The following ZNF106 variants were observed in gnomAD, a reference collection of about 807,000 sequenced individuals.
ZNF106 encodes the protein SH3-domain binding protein 3.
Under a neutral mutation model 195.1 loss-of-function variants are expected in ZNF106, and 67 were observed. The ratio of observed to expected loss-of-function variants is 0.34; its 90% CI spans 0.28 to 0.42. ZNF106 has a LOEUF of 0.42. Among genes scored for constraint, ZNF106 ranks in the 10% least tolerant of loss-of-function variants. The pLI is 1.00. For missense variants in ZNF106, 2,118 were observed against 2,304.5 expected (o/e 0.92, Z 1.66); for synonymous variants, 784 against 818.6 (o/e 0.96, Z 0.72).
chr15:42,428,139 T>C lies in ZNF106; in HGVS notation c.4882-5A>G, dbSNP rs1395863695. 1 of 1,613,066 alleles carries C rather than the reference T, an allele frequency of 6.2e-7. No homozygotes were observed. Among genetic ancestry groups the C allele is most frequent in the Admixed American group, 1.7e-5 (1 of 60,014 alleles). On this transcript the variant is annotated splice_region_variant and splice_polypyrimidine_tract_variant and intron_variant, in intron 14 of 21. Coordinates refer to ENST00000564754, the MANE Select transcript of ZNF106 (RefSeq NM_001366845.3). Reference sequence around the variant, plus strand: ...CTGCTCCACACACTCTCGGCTCTGATAAAAGCACACAACCTTTAATCAGCA... The same window carrying C: ...CTGCTCCACACACTCTCGGCTCTGACAAAAGCACACAACCTTTAATCAGCA...
At chr15:42,457,784 G>T (rs148096147) in intron 3 of ZNF106, among the ~76,000 whole-genome samples, 23 of 152,318 alleles carry the variant, frequency 1.5e-4, no homozygotes, top group Non-Finnish European at 2.2e-4. Flanking sequence ...GGAATGGAAA[G>T]CATTTCAGTT....
intron 14 of ZNF106, among the ~76,000 whole-genome samples, chr15:42,432,841 C>T (rs1052132889): frequency 3.9e-5 from 6 of 152,028 alleles, no homozygotes; most frequent in African/African-American, 7.2e-5. Flanking sequence ...GTTATGATCA[C>T]GCCACTGCAC....
chr15:42,444,580 T>TTCTTGCTGTCCCTC (rs2055695367), intron 8 of ZNF106, among the ~76,000 whole-genome samples: 1 of 152,232 alleles, frequency 6.6e-6, no homozygotes, highest in Non-Finnish European at 1.5e-5. Context: ...AGAACACCCT[T>TTCTTGCTGTCCCTC]GTGGGGACTG....
intron 19 of ZNF106, among the ~76,000 whole-genome samples, chr15:42,421,517 TTAAAAA>T (rs2054656987): frequency 6.6e-6 from 1 of 152,104 alleles, no homozygotes; most frequent in Non-Finnish European, 1.5e-5. Flanking sequence ...ACTCCATAAC[TTAAAAA>T]TAAAAAAAAC....
chr15:42,421,471 A>C lies in ZNF106; in HGVS notation c.5446-339T>G, dbSNP rs545720284. 3.3e-5 allele frequency among the ~76,000 whole-genome samples: 5 copies of C among 152,258 alleles called. No homozygotes were observed. In the South Asian group the frequency reaches 8.3e-4, roughly 25 times the overall value. ...ATTTCCCTGGAAAAGAAAGGATTCTACTACTCAGAGTCTGAAAAACATCCA... is the reference window on the plus strand; with the variant it reads ...ATTTCCCTGGAAAAGAAAGGATTCTCCTACTCAGAGTCTGAAAAACATCCA... On this transcript the variant is annotated intron_variant, in intron 19 of 21. Transcript: ENST00000564754.
intron 9 of ZNF106, 95 bp from the exon 10 acceptor site, chr15:42,442,509 G>C (rs1001858134): frequency 6.8e-6 from 7 of 1,028,624 alleles, no homozygotes; most frequent in African/African-American, 6.6e-5. Context: ...CATTAGAAAA[G>C]AATTATAAAT....
intron 13 of ZNF106, among the ~76,000 whole-genome samples, chr15:42,435,723 G>C (rs1244609250): frequency 2.0e-5 from 3 of 152,156 alleles, no homozygotes; most frequent in Admixed American, 1.3e-4. Context: ...GTATCTGAAA[G>C]TATATGTTAG....
Position 42,440,996 on chromosome 15 carries a change from AAAATATATATATATATATATATATATAT to A in ZNF106, c.3763+1049_3763+1076del, listed in dbSNP as rs1567009142. Among the ~76,000 whole-genome samples, 2 of 49,420 alleles carry A rather than the reference AAAATATATATATATATATATATATATAT, an allele frequency of 4.0e-5. 1 individual carries two copies. The highest frequency in any genetic ancestry group is 1.6e-3 in the South Asian group (2 of 1,274). The allele number at this position is 49,420 out of a possible 152,430, so 32.4% of individuals were successfully genotyped here. ...CGAAACTCTGTCTAAAAAAAAAAAA[AAAATATATATATATATATATATATATAT>A]ATATATATATATATATATATATATG... On this transcript the variant is annotated intron_variant, in intron 10 of 21. Transcript: ENST00000564754.
At chr15:42,444,387 G>A in intron 8 of ZNF106, 125 bp from the exon 9 acceptor site, 1 of 695,024 alleles carries the variant, frequency 1.4e-6, no homozygotes, top group Non-Finnish European at 2.4e-6. Context: ...GACCCAGCCA[G>A]CCGCAGGTTT....
chr15:42,429,028 C>T (rs2054959932), intron 14 of ZNF106, among the ~76,000 whole-genome samples: 1 of 151,576 alleles, frequency 6.6e-6, no homozygotes, highest in African/African-American at 2.4e-5. Flanking sequence ...GCCTCCCTTA[C>T]ATGCATGAGC....
At chr15:42,422,014 T>C (rs756032083) in intron 18 of ZNF106, 26 bp from the exon 19 acceptor site, 25 of 1,559,064 alleles carry the variant, frequency 1.6e-5, no homozygotes, top group African/African-American at 2.7e-5. Context: ...AAAAAGAGAA[T>C]TGAAGTTATT....
chr15:42,487,867 A>G (rs1409464286), intron 1 of ZNF106, among the ~76,000 whole-genome samples: 3 of 152,186 alleles, frequency 2.0e-5, no homozygotes, highest in Non-Finnish European at 4.4e-5. Flanking sequence ...CACAGAGGAT[A>G]TTCTATGCAT....
chr15:42,445,016 G>C, intron 7 of ZNF106, 35 bp from the exon 8 acceptor site: 1 of 1,610,984 alleles, frequency 6.2e-7, no homozygotes, highest in Non-Finnish European at 8.5e-7. Context: ...AGGTTAATAC[G>C]AGAGATTTCC....
In ZNF106 at chr15:42,450,127, T is replaced by A. The variant is rs372671203; in HGVS notation, c.2145A>T (p.Glu715Asp). Residue 715 changes from glutamate (E) to aspartate (D), a missense_variant, in exon 5 of 22, where the codon GAA becomes GAT. Physicochemically the swap from Glu to Asp is conservative, Grantham distance 45 (BLOSUM62 2). Transcript: ENST00000564754. ...CATCCAAGCTAGCACTCTCAAAGCC[T>A]TCTGTTTCATAAGATACATGAGATT... ...SIKSHVSYET[E>D]GFESASLDAE... 2.7e-5 allele frequency: 43 copies of A among 1,614,104 alleles called. No homozygotes were observed. The highest frequency in any genetic ancestry group is 3.2e-5 in the Non-Finnish European group (38 of 1,180,050).
At chr15:42,482,348 A>C (rs1459879642) in intron 1 of ZNF106, among the ~76,000 whole-genome samples, 1 of 152,100 alleles carries the variant, frequency 6.6e-6, no homozygotes, top group Non-Finnish European at 1.5e-5. Context: ...TTTGTATATG[A>C]GTAGTTTTGG....
intron 2 of ZNF106, among the ~76,000 whole-genome samples, chr15:42,469,858 CAA>C (rs879787963): frequency 1.2e-4 from 10 of 85,902 alleles, no homozygotes; most frequent in Non-Finnish European, 5.5e-5. Context: ...AAAACAACAA[CAA>C]AAAAAAAAAA....
chr15:42,480,650 T>C (rs1206055989), intron 1 of ZNF106, among the ~76,000 whole-genome samples: 2 of 152,182 alleles, frequency 1.3e-5, no homozygotes, highest in Non-Finnish European at 1.5e-5. Flanking sequence ...CTTTTAGGAA[T>C]TCCAACATAT....
rs1173378511 is a variant in ZNF106 at position 42,439,217 on chromosome 15, G to A, written c.4360C>T (p.Pro1454Ser). ...TCAATGGCTACTACTTCTAACTGAG[G>A]ATTAGGAATTTCTAGGACTTCCAGA... ...SSLEVLEIPN[P>S]QLEVVAIDSS... The change falls in exon 11 of 22, where the codon CCT (proline) becomes TCT (serine). Residue 1454 changes from proline to serine, a missense_variant. Transcript: ENST00000564754. 1 of 1,614,126 alleles carries A rather than the reference G, an allele frequency of 6.2e-7. No individual in the cohort carries two copies. Among genetic ancestry groups the A allele is most frequent in the Non-Finnish European group, 8.5e-7 (1 of 1,180,026 alleles).
intron 4 of ZNF106, among the ~76,000 whole-genome samples, chr15:42,454,436 G>T (rs1247636964): frequency 6.6e-6 from 1 of 151,990 alleles, no homozygotes; most frequent in African/African-American, 2.4e-5. Context: ...GGAGAACTGG[G>T]GGATAAATAA....
Sources: allele counts gnomAD v4.1 joint callset (sites outside exome capture counted in the v4.1 genomes callset), GRCh38; gene constraint gnomAD v4.1.1; transcripts MANE v1.5; gene names NCBI Gene and HGNC (gene_info 2026-07-23, HGNC 2026-07-21).